RARB: variants seen among roughly 807,000 people sequenced by gnomAD.
The protein encoded by RARB is HBV-activated protein.
A neutral mutation model predicts 51.9 loss-of-function variants in RARB; 17 were observed. The observed-to-expected ratio is 0.33, with a 90% CI of 0.22 to 0.49. The LOEUF (loss-of-function observed/expected upper bound fraction) is 0.49. Among genes scored for constraint, RARB ranks in the 20% least tolerant of loss-of-function variants. The pLI, the probability that RARB is intolerant of heterozygous loss-of-function variation, is 0.99. For missense variants in RARB, 369 were observed against 550.8 expected (o/e 0.67, Z 3.30); for synonymous variants, 215 against 195.4 (o/e 1.10, Z -0.84).
intron 5 of RARB, among the ~76,000 whole-genome samples, chr3:25,353,608 C>G (rs1705643729): frequency 6.7e-6 from 1 of 149,400 alleles, no homozygotes; most frequent in African/African-American, 2.5e-5. Context: ...TGTCTTACCC[C>G]AAAGTAGATT....
At chr3:25,059,794 C>G (rs1314867528) in intron 2 of RARB, among the ~76,000 whole-genome samples, 1 of 151,546 alleles carries the variant, frequency 6.6e-6, no homozygotes, top group African/African-American at 2.4e-5. Context: ...ATTCTTTGTC[C>G]CCCCAAATCA....
chr3:25,092,045 T>A (rs1699208495), intron 3 of RARB, among the ~76,000 whole-genome samples: 1 of 152,192 alleles, frequency 6.6e-6, no homozygotes. Context: ...ATTGAATGGC[T>A]ATGCTCTGCC....
In RARB at chr3:24,949,737, G is replaced by C. The variant is rs895832026; in HGVS notation, c.-380+90985G>C. 2.6e-5 allele frequency among the ~76,000 whole-genome samples: 4 copies of C among 152,120 alleles called. No homozygotes were observed. In the South Asian group the frequency reaches 8.3e-4, roughly 31 times the overall value. ...GATTCCCCTCTGTGCCGGACATTACGCTACAGTCTCTGAGAAAGGATAAAG... is the reference window on the plus strand; with the variant it reads ...GATTCCCCTCTGTGCCGGACATTACCCTACAGTCTCTGAGAAAGGATAAAG... On this transcript the variant is annotated intron_variant, in intron 2 of 11. Coordinates refer to the RARB transcript ENST00000383772.
intron 5 of RARB, among the ~76,000 whole-genome samples, chr3:25,187,852 T>C (rs1255855832): frequency 6.6e-6 from 1 of 152,110 alleles, no homozygotes; most frequent in Non-Finnish European, 1.5e-5. Flanking sequence ...GATGAATTTA[T>C]TCATAATAAA....
intron 3 of RARB, among the ~76,000 whole-genome samples, chr3:25,093,043 G>T (rs1699227303): frequency 1.3e-5 from 2 of 152,152 alleles, no homozygotes; most frequent in Non-Finnish European, 2.9e-5. Context: ...TGCTTACAAT[G>T]ATACTGACTA....
At position 25,471,592 on chromosome 3, in the gene RARB, C is replaced by CT. The variant is rs1308127693; in HGVS notation, c.306+10252dup. 1.2e-3 allele frequency among the ~76,000 whole-genome samples: 154 copies of CT among 126,166 alleles called. 2 individuals are homozygous for CT. Among genetic ancestry groups the CT allele is most frequent in the African/African-American group, 3.6e-3 (139 of 38,140 alleles). 82.8% of individuals were successfully genotyped at this position (126,166 alleles called of 152,430 possible). ...GTGAATTCTGAATTAGCCCGCAACTCTGCGTGTTTTTTTTTTTTCCTTGAG... is the reference window on the plus strand; with the variant it reads ...GTGAATTCTGAATTAGCCCGCAACTCTTGCGTGTTTTTTTTTTTTCCTTGAG... On this transcript the variant is annotated intron_variant, in intron 2 of 7. Coordinates refer to ENST00000330688, the MANE Select transcript of RARB (RefSeq NM_000965.5).
At chr3:25,454,146 C>G (rs13314219) in intron 1 of RARB, among the ~76,000 whole-genome samples, 2 of 152,048 alleles carry the variant, frequency 1.3e-5, no homozygotes, top group Non-Finnish European at 2.9e-5. Context: ...TTACATTTTA[C>G]TAAAATGTCT....
chr3:24,855,101 T>C (rs1340347740), intron 1 of RARB, among the ~76,000 whole-genome samples: 1 of 152,204 alleles, frequency 6.6e-6, no homozygotes, highest in Non-Finnish European at 1.5e-5. Context: ...GTTTTCACTT[T>C]GTCCATTAAA....
At chr3:25,522,022 C>G (rs893191405) in intron 3 of RARB, among the ~76,000 whole-genome samples, 11 of 151,912 alleles carry the variant, frequency 7.2e-5, no homozygotes, top group Non-Finnish European at 1.5e-4. Flanking sequence ...ATATGGGGAT[C>G]TCTGAACATT....
intron 5 of RARB, among the ~76,000 whole-genome samples, chr3:25,583,708 G>A (rs1701276766): frequency 6.6e-6 from 1 of 152,216 alleles, no homozygotes; most frequent in Non-Finnish European, 1.5e-5. Context: ...GCTCGGTGGG[G>A]ACCATTTAGT....
At chr3:25,322,868 A>T (rs569756150) in intron 5 of RARB, among the ~76,000 whole-genome samples, 1 of 152,302 alleles carries the variant, frequency 6.6e-6, no homozygotes, top group East Asian at 1.9e-4. Context: ...TTGGTCAGTG[A>T]TCTATTGCTG....
intron 5 of RARB, among the ~76,000 whole-genome samples, chr3:25,232,481 A>C (rs1575239541): frequency 6.6e-6 from 1 of 152,272 alleles, no homozygotes; most frequent in East Asian, 1.9e-4. Flanking sequence ...TATTAATAAA[A>C]GAAAACCCAA....
intron 5 of RARB, chr3:25,352,516 T>A (rs1705605286): frequency 6.6e-6 from 1 of 152,214 alleles, no homozygotes; most frequent in Non-Finnish European, 1.5e-5. Flanking sequence ...AGCAAGTCTG[T>A]TTTTAGCATT....
chr3:25,163,970 G>A (rs968137173), intron 4 of RARB, among the ~76,000 whole-genome samples: 14 of 152,094 alleles, frequency 9.2e-5, no homozygotes, highest in African/African-American at 3.4e-4. Flanking sequence ...TGCAAAATGG[G>A]TACTGATTCC....
intron 5 of RARB, among the ~76,000 whole-genome samples, chr3:25,363,159 G>T (rs35634760): frequency 0.016 from 2,478 of 152,264 alleles, 29 homozygotes; most frequent in Non-Finnish European, 0.027. Flanking sequence ...GTTGATGAAA[G>T]AAGTATACAG....
At chr3:25,403,886 TA>T (rs546197894) in intron 5 of RARB, among the ~76,000 whole-genome samples, 25 of 88,366 alleles carry the variant, frequency 2.8e-4, no homozygotes, top group South Asian at 5.2e-4. Context: ...TTTCTTTTTC[TA>T]AAAAAAAAAA....
At chr3:25,577,927 G>A (rs534118786) in intron 4 of RARB, among the ~76,000 whole-genome samples, 147 of 152,364 alleles carry the variant, frequency 9.6e-4, no homozygotes, top group African/African-American at 3.3e-3. Flanking sequence ...AGCCCCTGCC[G>A]AAGAGGGGAC....
At chr3:25,560,237 A>G (rs1400698205) in intron 3 of RARB, among the ~76,000 whole-genome samples, 1 of 152,206 alleles carries the variant, frequency 6.6e-6, no homozygotes. Context: ...ACTGGCGTAA[A>G]CCATTTGAAA....
chr3:25,487,072 T>C (rs375201031), intron 2 of RARB, among the ~76,000 whole-genome samples: 61 of 152,196 alleles, frequency 4.0e-4, no homozygotes, highest in African/African-American at 1.3e-3. Flanking sequence ...ACACTTTCTC[T>C]CCTTTTGTGC....
Sources: gnomAD v4.1 joint callset for allele counts (sites outside exome capture counted in the v4.1 genomes callset) on GRCh38, gnomAD v4.1.1 for gene constraint, MANE v1.5 for transcripts, NCBI Gene and HGNC (gene_info 2026-07-23, HGNC 2026-07-21) for gene names.